ZAP70: variants seen among roughly 807,000 people sequenced by gnomAD.
ZAP70 encodes zeta chain of T cell receptor associated protein kinase 70.
In ZAP70, 27 loss-of-function variants were observed where a neutral mutation model predicts 65.8. The ratio of observed to expected loss-of-function variants is 0.41; its 90% CI spans 0.30 to 0.57. The LOEUF is 0.57. ZAP70 is among the 20% of genes least tolerant of loss of function. The pLI is 0.28. For synonymous variants in ZAP70, 363 were observed against 360.8 expected (o/e 1.01, Z -0.07); for missense variants, 696 against 870.5 (o/e 0.80, Z 2.52).
downstream of ZAP70, chr2:97,739,981 T>TG (rs1678081611): frequency 6.3e-6 from 1 of 159,750 alleles, no homozygotes; most frequent in Non-Finnish European, 1.4e-5. Context: ...CCTGGGAAGA[T>TG]GGGGCTGGGT....
In ZAP70 at chr2:97,725,089, T is replaced by C. The variant is rs202193449; in HGVS notation, c.403-3T>C. ...ACAGACCTCCTCGCCTCTCCTTTTC[T>C]AGGGCGAGGCCCTGGAGCAGGCCAT... On this transcript the variant is annotated splice_polypyrimidine_tract_variant and splice_region_variant and intron_variant, in intron 3 of 13. Transcript: ENST00000264972. 16 of 1,613,830 alleles carry C rather than the reference T, an allele frequency of 9.9e-6. No individual in the cohort carries two copies. Among genetic ancestry groups the C allele is most frequent in the Non-Finnish European group, 1.3e-5 (15 of 1,180,018 alleles).
chr2:97,748,975 G>A, the ZAP70 span, among the ~76,000 whole-genome samples: 1 of 148,350 alleles, frequency 6.7e-6, no homozygotes, highest in Non-Finnish European at 1.5e-5. Flanking sequence ...TGTAGAGGGA[G>A]TATTGCTTAC....
rs747446900 is a variant in ZAP70 at position 97,733,459 on chromosome 2, T to C, written c.838-85T>C. The C allele has an allele frequency of 3.7e-6, 6 of 1,604,692 alleles. No individual in the cohort carries two copies. The South Asian group carries it at 6.6e-5, about 18-fold the overall frequency. On this transcript the variant is annotated intron_variant, in intron 7 of 13. Transcript: ENST00000264972. ...AGCGGAAGAAGCTCTCTCTCCACTG[T>C]CTCTGGGAGTCCTCAGTGGATATAG...
chr2:97,728,845 C>T (rs1289796718), intron 4 of ZAP70, among the ~76,000 whole-genome samples: 3 of 152,196 alleles, frequency 2.0e-5, no homozygotes, highest in African/African-American at 4.8e-5. Context: ...CTCTGCCTCC[C>T]GGGTTTAGTG....
At position 97,737,714 on chromosome 2, in the gene ZAP70, AG is replaced by A. The variant is rs1559329557; in HGVS notation, c.1483-40del. On this transcript the variant is annotated intron_variant, in intron 11 of 13. Coordinates refer to ENST00000264972, the MANE Select transcript of ZAP70 (RefSeq NM_001079.4). The surrounding 1 kb of genome is among the most constrained non-coding windows in gnomAD (Gnocchi z 5.0). ...CCGACTGGATGGGCTGGGTGGGTAG[AG>A]GGTCCCTGACCCCTGATCCAGCAGC... 6.2e-7 allele frequency: 1 copy of A among 1,614,060 alleles called. No individual in the cohort carries two copies. The highest frequency in any genetic ancestry group is 2.2e-5 in the East Asian group (1 of 44,886).
In ZAP70 at chr2:97,737,804, C is replaced by T. The variant is rs1355379446; in HGVS notation, c.1530C>T (p.Cys510=). 6.2e-7 allele frequency: 1 copy of T among 1,614,036 alleles called. No homozygotes were observed. Among genetic ancestry groups the T allele is most frequent in the African/African-American group, 1.3e-5 (1 of 74,940 alleles). ...KWPLKWYAPE[C]INFRKFSSRS... ...CGCTCAAGTGGTACGCACCCGAATG[C>T]ATCAACTTCCGCAAGTTCTCCAGCC... Residue 510 remains cysteine, a synonymous_variant, in exon 12 of 14, where the codon TGC becomes TGT. Transcript: ENST00000264972. The surrounding 1 kb of genome is among the most constrained non-coding windows in gnomAD (Gnocchi z 5.0).
rs200538234 is a variant in ZAP70, at chr2:97,735,466, G to C, written c.1289+10G>C. The C allele has an allele frequency of 1.6e-5, 25 of 1,604,568 alleles. No homozygotes were observed. Among genetic ancestry groups the C allele is most frequent in the Non-Finnish European group, 2.1e-5 (25 of 1,173,936 alleles). On this transcript the variant is annotated intron_variant, in intron 10 of 13. Transcript: ENST00000264972. ...TCCTGGTCGGCAAGAGGTGAGCACC[G>C]GGTGGGCCCGGCCATCGGGTGGGTG...
intron 9 of ZAP70, chr2:97,734,987 C>A (rs898192090): frequency 1.9e-5 from 12 of 645,842 alleles, no homozygotes; most frequent in Non-Finnish European, 2.7e-5. Flanking sequence ...GTCCACTGGC[C>A]CCTGACAGGC....
rs567311620 is a variant in ZAP70 at position 97,719,938 on chromosome 2, C to T, written c.-21-4078C>T. On this transcript the variant is annotated intron_variant, in intron 2 of 13. Transcript: ENST00000264972. ...TAGTTGTGTGTGGAATCACACAATT[C>T]GTAGCCCTTGGAACCTGGTTTCTTT... 6.6e-5 allele frequency among the ~76,000 whole-genome samples: 10 copies of T among 152,254 alleles called. No homozygotes were observed. In the East Asian group the frequency reaches 1.4e-3, roughly 21 times the overall value.
chr2:97,715,998 G>A lies in ZAP70; in HGVS notation c.-22+2004G>A, dbSNP rs886374210. ...TGAGGAGCAGAGACAGAGGCCATCA[G>A]GGCTGTGATGTGGGAGGATGGGGAC... On this transcript the variant is annotated intron_variant, in intron 2 of 13. Coordinates refer to ENST00000264972, the MANE Select transcript of ZAP70 (RefSeq NM_001079.4). The surrounding 1 kb of genome is among the most constrained non-coding windows in gnomAD (Gnocchi z 4.1). Among the ~76,000 whole-genome samples, 5 of 152,190 alleles carry A rather than the reference G, an allele frequency of 3.3e-5. No individual in the cohort carries two copies. Among genetic ancestry groups the A allele is most frequent in the African/African-American group, 4.8e-5 (2 of 41,430 alleles).
chr2:97,753,762 A>C, the ZAP70 span, among the ~76,000 whole-genome samples: 1 of 152,212 alleles, frequency 6.6e-6, no homozygotes, highest in African/African-American at 2.4e-5. Context: ...GCTTGCGCTC[A>C]GGAGTTTGAG....
rs1559327875 is a variant in ZAP70, at chr2:97,735,321, G to A, written c.1154G>A (p.Arg385His). The change falls in exon 10 of 14, where the codon CGC becomes CAC. Residue 385 changes from arginine to histidine, a missense_variant. This residue lies in a region of ZAP70 where 551 missense variants were observed against 630.0 expected (regional missense o/e 0.87). Transcript: ENST00000264972. The stretch of plus-strand genomic sequence containing the variant: ...AAGGCAGACACGGAAGAGATGATGC[G>A]CGAGGCGCAGATCATGCACCAGCTG... ...TEKADTEEMM[R>H]EAQIMHQLDN... 1 of 1,614,162 alleles carries A rather than the reference G, an allele frequency of 6.2e-7. No individual in the cohort carries two copies. Among genetic ancestry groups the A allele is most frequent in the Non-Finnish European group, 8.5e-7 (1 of 1,179,988 alleles).
chr2:97,714,173 G>T (rs983834898), intron 2 of ZAP70, among the ~76,000 whole-genome samples, 179 bp downstream of exon 2: 1 of 152,208 alleles, frequency 6.6e-6, no homozygotes, highest in Non-Finnish European at 1.5e-5. Flanking sequence ...TTGTGGCCAC[G>T]CTGAGGGAAG....
In ZAP70 at chr2:97,732,899, G is replaced by C; in HGVS notation, c.580G>C (p.Glu194Gln). Reference protein sequence around the residue: ...DGKFLLRPRKEQGTYALSLIY... With the variant: ...DGKFLLRPRKQQGTYALSLIY... ...CCCTGCCAGGCTGAGGCCGCGGAAG[G>C]AGCAGGGCACATACGCCCTGTCCCT... is the stretch of plus-strand genomic sequence containing the variant. The change falls in exon 5 of 14, where the codon GAG becomes CAG. Residue 194 changes from glutamate (E) to glutamine (Q), a missense_variant. Glu to Gln is a conservative substitution (Grantham distance 29). This residue lies in a region of ZAP70 where 551 missense variants were observed against 630.0 expected (regional missense o/e 0.87). Transcript: ENST00000264972. 6.2e-7 allele frequency: 1 copy of C among 1,613,968 alleles called. No individual in the cohort carries two copies. The highest frequency in any genetic ancestry group is 8.5e-7 in the Non-Finnish European group (1 of 1,180,034).
chr2:97,734,273 G>A (rs1559326796), intron 8 of ZAP70: 4 of 1,122,448 alleles, frequency 3.6e-6, no homozygotes, highest in East Asian at 2.7e-5. Flanking sequence ...ACGGTGCCAC[G>A]TGGATACCAA....
chr2:97,727,415 G>T (rs1677433282), intron 4 of ZAP70, among the ~76,000 whole-genome samples: 1 of 152,214 alleles, frequency 6.6e-6, no homozygotes, highest in South Asian at 2.1e-4. Flanking sequence ...GCTCCATCTT[G>T]CAGTACATGG....
intron 2 of ZAP70, among the ~76,000 whole-genome samples, chr2:97,718,528 T>G (rs1486546502): frequency 1.3e-5 from 2 of 151,894 alleles, no homozygotes; most frequent in African/African-American, 2.4e-5. Flanking sequence ...CCTGTGTGTG[T>G]GGGGTGGTGC....
intron 8 of ZAP70, 120 bp from the exon 9 acceptor site, chr2:97,734,400 T>G (rs1271899112): frequency 1.4e-6 from 2 of 1,452,722 alleles, no homozygotes; most frequent in Non-Finnish European, 1.8e-6. Context: ...GGCACCCACC[T>G]GCTTGTGCAT....
rs1232608173 is a variant in ZAP70, at chr2:97,736,437, T to C, written c.1289+981T>C. Among the ~76,000 whole-genome samples the C allele has an allele frequency of 6.6e-6, 1 of 152,156 alleles. No homozygotes were observed. Among genetic ancestry groups the C allele is most frequent in the Non-Finnish European group, 1.5e-5 (1 of 68,022 alleles). ...CCCACATTCAGTCATTTGACAGGTG[T>C]TTATTGGACAGTTTCTCAGTGACAG... On this transcript the variant is annotated intron_variant, in intron 10 of 13. Coordinates refer to ENST00000264972, the MANE Select transcript of ZAP70 (RefSeq NM_001079.4). This position sits in a 1 kb window ranked among gnomAD's most constrained non-coding sequence, Gnocchi z 4.0.
Sources: allele counts gnomAD v4.1 joint callset (sites outside exome capture counted in the v4.1 genomes callset), GRCh38; gene constraint gnomAD v4.1.1; regional missense constraint gnomAD v4.1.1; non-coding constraint Gnocchi (gnomAD v3.1); transcripts MANE v1.5; gene names NCBI Gene and HGNC (gene_info 2026-07-23, HGNC 2026-07-21).